The following SORCS2 variants were observed in gnomAD, a reference collection of about 807,000 sequenced individuals.
The protein encoded by SORCS2 is sortilin related VPS10 domain containing receptor 2.
In SORCS2, 100 loss-of-function variants were observed where a neutral mutation model predicts 141.6. The ratio of observed to expected loss-of-function variants is 0.71; its 90% CI spans 0.60 to 0.83. SORCS2 has a LOEUF of 0.83. Ranked by LOEUF, SORCS2 falls within the 40% of genes least tolerant of loss-of-function variation. The probability of loss-of-function intolerance (pLI) is 0.00; values close to 1 mark genes in which losing one functional copy is unlikely to be tolerated. For missense variants in SORCS2, 1,646 were observed against 1,560.2 expected (o/e 1.05, Z -0.93); for synonymous variants, 789 against 676.9 (o/e 1.17, Z -2.57).
At position 7,715,201 on chromosome 4, in the gene SORCS2, C is replaced by T; in HGVS notation, c.2142C>T (p.Arg714=). The T allele has an allele frequency of 6.2e-7, 1 of 1,613,972 alleles. No individual in the cohort carries two copies. The highest frequency in any genetic ancestry group is 8.5e-7 in the Non-Finnish European group (1 of 1,179,844). Residue 714 remains arginine, a synonymous_variant, in exon 17 of 27, where the codon CGC becomes CGT. Coordinates refer to ENST00000507866, the MANE Select transcript of SORCS2 (RefSeq NM_020777.3). Reference sequence around the variant, plus strand: ...CTCCCAGCGACTACGGATTTGAGCGCTCCTCCTCCTCAGAGTCCAGCACCA... The same window carrying T: ...CTCCCAGCGACTACGGATTTGAGCGTTCCTCCTCCTCAGAGTCCAGCACCA... ...SDFLCDYGFE[R]SSSSESSTNK...
chr4:7,503,872 G>A (rs1386926814), intron 2 of SORCS2, among the ~76,000 whole-genome samples: 4 of 152,182 alleles, frequency 2.6e-5, no homozygotes, highest in Non-Finnish European at 5.9e-5. Context: ...GATGCCAAGC[G>A]TAAGCAGCCT....
chr4:7,680,434 G>C (rs1471847723), intron 9 of SORCS2, among the ~76,000 whole-genome samples: 2 of 152,372 alleles, frequency 1.3e-5, no homozygotes, highest in Non-Finnish European at 1.5e-5. Context: ...ATCTCACAAA[G>C]AAGCTGGACT....
At chr4:7,477,981 G>A (rs1179988250) in intron 2 of SORCS2, among the ~76,000 whole-genome samples, 1 of 152,158 alleles carries the variant, frequency 6.6e-6, no homozygotes, top group Non-Finnish European at 1.5e-5. Flanking sequence ...TCAGAATGGT[G>A]CCTGGGACAT....
At chr4:7,717,154 C>A (rs991701041) in intron 17 of SORCS2, among the ~76,000 whole-genome samples, 1 of 152,206 alleles carries the variant, frequency 6.6e-6, no homozygotes, top group Non-Finnish European at 1.5e-5. Flanking sequence ...TTGCCCAGGG[C>A]CTCTCTCCAG....
chr4:7,273,699 G>C, intron 1 of SORCS2, among the ~76,000 whole-genome samples: 1 of 152,366 alleles, frequency 6.6e-6, no homozygotes, highest in African/African-American at 2.4e-5. Context: ...ATCCTGAAGA[G>C]TGAATGCAGA....
chr4:7,650,753 C>T (rs1721391711), intron 4 of SORCS2, among the ~76,000 whole-genome samples: 1 of 145,628 alleles, frequency 6.9e-6, no homozygotes, highest in African/African-American at 2.6e-5. Flanking sequence ...CAGCCCAGCC[C>T]AGCCCAGCCC....
chr4:7,433,820 T>A (rs371055002), intron 2 of SORCS2: 1 of 1,613,656 alleles, frequency 6.2e-7, no homozygotes, highest in African/African-American at 1.3e-5. Context: ...TCTGGGGTGA[T>A]TTTGGCCACA....
chr4:7,687,120 G>A (rs1034667255), intron 10 of SORCS2, among the ~76,000 whole-genome samples: 5 of 152,316 alleles, frequency 3.3e-5, no homozygotes, highest in Middle Eastern at 3.4e-3. Flanking sequence ...AGAGGTTGAC[G>A]GAGACCAACC....
chr4:7,262,481 C>G lies in SORCS2; in HGVS notation c.480+69355C>G, dbSNP rs561016493. Among the ~76,000 whole-genome samples, 24 of 152,122 alleles carry G rather than the reference C, an allele frequency of 1.6e-4. No individual in the cohort carries two copies. The Middle Eastern group carries it at 0.01, about 65-fold the overall frequency. ...CTTAAGCACTGGGATAGTGTGGTAA[C>G]AAGACAGACATAGGCCCCTGTCCTC... On this transcript the variant is annotated intron_variant, in intron 1 of 26. Coordinates refer to ENST00000507866, the MANE Select transcript of SORCS2 (RefSeq NM_020777.3).
intron 2 of SORCS2, among the ~76,000 whole-genome samples, chr4:7,513,492 C>T (rs1162590802): frequency 7.9e-5 from 12 of 152,226 alleles, no homozygotes; most frequent in African/African-American, 2.2e-4. Flanking sequence ...AGGCCAGAGC[C>T]GGGACTGCTG....
intron 2 of SORCS2, among the ~76,000 whole-genome samples, chr4:7,467,737 C>G (rs767102438): frequency 6.6e-6 from 1 of 152,220 alleles, no homozygotes; most frequent in African/African-American, 2.4e-5. Flanking sequence ...TCAGCGGCCA[C>G]TGCCACAAAA....
chr4:7,562,539 G>C (rs142876036), intron 3 of SORCS2, among the ~76,000 whole-genome samples: 1 of 152,290 alleles, frequency 6.6e-6, no homozygotes, highest in South Asian at 2.1e-4. Context: ...AGGGGCATAC[G>C]CTGTCTCTGT....
At chr4:7,545,119 G>T (rs867531839) in intron 3 of SORCS2, among the ~76,000 whole-genome samples, 55 of 144,278 alleles carry the variant, frequency 3.8e-4, no homozygotes, top group African/African-American at 1.4e-3. Flanking sequence ...AAGTCAATAG[G>T]TTATTGTAGG....
At chr4:7,279,627 G>T (rs1325823133) in intron 1 of SORCS2, among the ~76,000 whole-genome samples, 2 of 152,214 alleles carry the variant, frequency 1.3e-5, no homozygotes, top group African/African-American at 4.8e-5. Context: ...AAGGCATGGC[G>T]CAGGCCTTAG....
chr4:7,239,131 C>T (rs968635444), intron 1 of SORCS2, among the ~76,000 whole-genome samples: 3 of 152,230 alleles, frequency 2.0e-5, no homozygotes, highest in Non-Finnish European at 4.4e-5. Context: ...GTCCCTGTCC[C>T]TCCTTCCTCC....
intron 2 of SORCS2, among the ~76,000 whole-genome samples, chr4:7,500,922 G>A (rs1411009616): frequency 6.6e-6 from 1 of 152,184 alleles, no homozygotes; most frequent in Non-Finnish European, 1.5e-5. Context: ...CACCAGCCCC[G>A]ACTCCTGTGA....
At chr4:7,437,653 T>C (rs934751858) in intron 2 of SORCS2, among the ~76,000 whole-genome samples, 1 of 152,212 alleles carries the variant, frequency 6.6e-6, no homozygotes, top group Non-Finnish European at 1.5e-5. Flanking sequence ...AATACACTTC[T>C]GTCACTCAGC....
intron 1 of SORCS2, among the ~76,000 whole-genome samples, chr4:7,249,537 T>C (rs973803184): frequency 6.6e-6 from 1 of 152,130 alleles, no homozygotes; most frequent in African/African-American, 2.4e-5. Flanking sequence ...TTTGTGGCCA[T>C]CCTTACTGTG....
chr4:7,445,756 C>G (rs199842354), intron 2 of SORCS2, among the ~76,000 whole-genome samples: 2 of 152,288 alleles, frequency 1.3e-5, no homozygotes, highest in East Asian at 3.9e-4. Flanking sequence ...TTGAGGCAGA[C>G]CCAACCCTCC....
Sources: allele counts gnomAD v4.1 joint callset (sites outside exome capture counted in the v4.1 genomes callset), GRCh38; gene constraint gnomAD v4.1.1; transcripts MANE v1.5; gene names NCBI Gene and HGNC (gene_info 2026-07-23, HGNC 2026-07-21).